KIAA1549L: variants seen among roughly 807,000 people sequenced by gnomAD.
KIAA1549L encodes the protein UPF0606 protein KIAA1549L.
A neutral mutation model predicts 160.7 loss-of-function variants in KIAA1549L; 88 were observed. The ratio of observed to expected loss-of-function variants is 0.55; its 90% confidence interval spans 0.46 to 0.65. The LOEUF is 0.65. KIAA1549L is among the 30% of genes least tolerant of loss of function. The pLI is 0.00. For synonymous variants in KIAA1549L, 950 were observed against 976.7 expected (o/e 0.97, Z 0.51); for missense variants, 2,258 against 2,437.5 (o/e 0.93, Z 1.55).
rs1322619579 is a variant in KIAA1549L at position 33,435,808 on chromosome 11, ATATGTG to A, written c.238+58921_238+58926del. Among the ~76,000 whole-genome samples the A allele has an allele frequency of 9.2e-4, 22 of 23,958 alleles. 6 individuals are homozygous for A. Among genetic ancestry groups the A allele is most frequent in the African/African-American group, 2.7e-3 (18 of 6,622 alleles). The allele number at this position is 23,958 out of a possible 152,430, so 15.7% of individuals were successfully genotyped here. A position where few individuals can be genotyped will look rare whatever the true frequency, so the allele number is the denominator to read the frequency against. ...TATATATATATATATATATATATAT[ATATGTG>A]TGTGTATATATATATATGTATATGT... On this transcript the variant is annotated intron_variant, in intron 1 of 20. Coordinates refer to ENST00000658780, the MANE Select transcript of KIAA1549L (RefSeq NM_012194.3).
rs955403933 is a variant in KIAA1549L at position 33,672,627 on chromosome 11, G to A, written c.*4473G>A. On this transcript the variant is annotated 3_prime_UTR_variant, in exon 21 of 21. Transcript: ENST00000658780. ...CCACGCAGCAGCCAGCACTCGGAGA[G>A]CAGTCCCCTGGATACTACCACACAG... The A allele has an allele frequency of 6.5e-6, 1 of 154,006 alleles. No individual in the cohort carries two copies. The highest frequency in any genetic ancestry group is 2.4e-5 in the African/African-American group (1 of 41,464). 9.5% of individuals were successfully genotyped at this position (154,006 alleles called of 1,614,324 possible).
intron 1 of KIAA1549L, among the ~76,000 whole-genome samples, chr11:33,433,897 A>C (rs965852547): frequency 6.6e-6 from 1 of 152,082 alleles, no homozygotes; most frequent in Admixed American, 6.5e-5. Flanking sequence ...TTGAGAACAC[A>C]TGGACATAGA....
intron 10 of KIAA1549L, among the ~76,000 whole-genome samples, chr11:33,581,132 C>G (rs949506096): frequency 6.6e-6 from 1 of 152,080 alleles, no homozygotes; most frequent in African/African-American, 2.4e-5. Context: ...GGCTGGGACC[C>G]CACTGGGAAG....
chr11:33,406,140 C>T (rs1306459094), intron 1 of KIAA1549L, among the ~76,000 whole-genome samples: 2 of 152,146 alleles, frequency 1.3e-5, no homozygotes, highest in African/African-American at 4.8e-5. Context: ...TCTAGTAACA[C>T]AATTACAATT....
At chr11:33,441,666 G>A (rs1292585501) in intron 1 of KIAA1549L, among the ~76,000 whole-genome samples, 6 of 152,218 alleles carry the variant, frequency 3.9e-5, no homozygotes, top group Middle Eastern at 3.4e-3. Context: ...TTCTCTGATG[G>A]CCAGTGATGA....
At chr11:33,458,463 G>T (rs926921706) in intron 1 of KIAA1549L, among the ~76,000 whole-genome samples, 9 of 152,190 alleles carry the variant, frequency 5.9e-5, no homozygotes, top group African/African-American at 2.2e-4. Context: ...AAATAGAAAA[G>T]AATCCTAATT....
intron 1 of KIAA1549L, among the ~76,000 whole-genome samples, chr11:33,417,473 G>T (rs1465189060): frequency 1.3e-5 from 2 of 152,100 alleles, no homozygotes; most frequent in Non-Finnish European, 2.9e-5. Flanking sequence ...CTCACGAGTG[G>T]GTTATGATCC....
intron 20 of KIAA1549L, among the ~76,000 whole-genome samples, chr11:33,665,788 C>G (rs1852427242): frequency 6.6e-6 from 1 of 152,144 alleles, no homozygotes; most frequent in Non-Finnish European, 1.5e-5. Context: ...GTCCCCAACC[C>G]CACTCAGAAA....
chr11:33,670,676 A>G lies in KIAA1549L; in HGVS notation c.*2522A>G, dbSNP rs1361498855. 1 of 152,200 alleles carries G rather than the reference A, an allele frequency of 6.6e-6. No individual in the cohort carries two copies. The highest frequency in any genetic ancestry group is 2.4e-5 in the African/African-American group (1 of 41,458). 9.4% of individuals were successfully genotyped at this position (152,200 alleles called of 1,614,324 possible). A position where few individuals can be genotyped will look rare whatever the true frequency, so the allele number is the denominator to read the frequency against. Reference sequence around the variant, plus strand: ...AGAATCTCCTAACCTCATAGAGGTGAGAGAGATGACTGGACAGCTGACTCT... The same window carrying G: ...AGAATCTCCTAACCTCATAGAGGTGGGAGAGATGACTGGACAGCTGACTCT... On this transcript the variant is annotated 3_prime_UTR_variant, in exon 21 of 21. Coordinates refer to ENST00000658780, the MANE Select transcript of KIAA1549L (RefSeq NM_012194.3).
intron 1 of KIAA1549L, among the ~76,000 whole-genome samples, chr11:33,383,084 C>T (rs1850104471): frequency 6.6e-6 from 1 of 152,140 alleles, no homozygotes; most frequent in Non-Finnish European, 1.5e-5. Flanking sequence ...ATCCTTCCGT[C>T]AAACTGACCA....
intron 1 of KIAA1549L, among the ~76,000 whole-genome samples, chr11:33,518,971 C>T (rs1853420077): frequency 1.3e-5 from 2 of 152,158 alleles, no homozygotes; most frequent in African/African-American, 4.8e-5. Flanking sequence ...CACTCAAAGA[C>T]TTTTGGATTT....
In KIAA1549L at chr11:33,536,147, A is replaced by G. The variant is rs11032293; in HGVS notation, c.239-5655A>G. On this transcript the variant is annotated intron_variant, in intron 1 of 20. Transcript: ENST00000658780. ...GACTCATTTCCCAGAAGTGAGGGACACGACCACACATATACTATTTCAGTT... is the reference window on the plus strand; with the variant it reads ...GACTCATTTCCCAGAAGTGAGGGACGCGACCACACATATACTATTTCAGTT... Among the ~76,000 whole-genome samples, 3 of 152,348 alleles carry G rather than the reference A, an allele frequency of 2.0e-5. No individual in the cohort carries two copies. The East Asian group carries it at 5.8e-4, about 29-fold the overall frequency.
intron 1 of KIAA1549L, among the ~76,000 whole-genome samples, chr11:33,393,259 CA>C (rs1368813796): frequency 6.6e-6 from 1 of 152,180 alleles, no homozygotes; most frequent in Non-Finnish European, 1.5e-5. Context: ...TTACCATCTA[CA>C]CTTCTTCAAG....
chr11:33,595,434 G>A (rs1590379826), intron 12 of KIAA1549L, among the ~76,000 whole-genome samples: 1 of 151,894 alleles, frequency 6.6e-6, no homozygotes, highest in Admixed American at 6.6e-5. Flanking sequence ...TCACCATGTC[G>A]GCCAGGCTGG....
chr11:33,612,201 A>C (rs1850665077), intron 15 of KIAA1549L, among the ~76,000 whole-genome samples: 1 of 152,096 alleles, frequency 6.6e-6, no homozygotes, highest in African/African-American at 2.4e-5. Context: ...GAGAGTGACA[A>C]CCTCGGTAAG....
intron 15 of KIAA1549L, among the ~76,000 whole-genome samples, chr11:33,616,157 C>T (rs914345510): frequency 3.9e-5 from 6 of 152,176 alleles, no homozygotes; most frequent in East Asian, 3.8e-4. Context: ...GTCCAGGCTT[C>T]GGCTTGGCTG....
chr11:33,508,044 A>C (rs1157210338), intron 1 of KIAA1549L, among the ~76,000 whole-genome samples: 2 of 152,210 alleles, frequency 1.3e-5, no homozygotes, highest in Non-Finnish European at 2.9e-5. Context: ...ATGCCCAAGA[A>C]TAGTGCTGCT....
intron 1 of KIAA1549L, among the ~76,000 whole-genome samples, chr11:33,426,742 A>G (rs558465512): frequency 1.3e-5 from 2 of 152,216 alleles, no homozygotes; most frequent in Non-Finnish European, 2.9e-5. Flanking sequence ...TCATTTGCCC[A>G]AGAGCACTTG....
At chr11:33,471,335 G>A (rs1285332877) in intron 1 of KIAA1549L, among the ~76,000 whole-genome samples, 1 of 151,656 alleles carries the variant, frequency 6.6e-6, no homozygotes, top group Non-Finnish European at 1.5e-5. Flanking sequence ...CACCCTTGAT[G>A]GTAAACTTAG....
Sources: allele counts gnomAD v4.1 joint callset (sites outside exome capture counted in the v4.1 genomes callset), GRCh38; gene constraint gnomAD v4.1.1; transcripts MANE v1.5; gene names NCBI Gene and HGNC (gene_info 2026-07-23, HGNC 2026-07-21).